Variants in ANK1 observed in about 807,000 individuals in gnomAD.
ANK1 encodes ankyrin 1.
ANK1 carries 51 observed loss-of-function variants against 210.4 expected under a neutral mutation model. The observed-to-expected ratio is 0.24, with a 90% CI of 0.19 to 0.31. The LOEUF (loss-of-function observed/expected upper bound fraction) is 0.31, where lower values mean the gene tolerates loss of function less well. Ranked by LOEUF, ANK1 falls within the 10% of genes least tolerant of loss-of-function variation. ANK1 has a pLI of 1.00. For missense variants in ANK1, 2,051 were observed against 2,504.4 expected, an observed-to-expected ratio of 0.82 and a Z score of 3.86; for synonymous variants, 967 against 1,025.9, an observed-to-expected ratio of 0.94 and a Z score of 1.10.
chr8:41,891,161 G>A (rs999059996), intron 1 of ANK1, among the ~76,000 whole-genome samples: 1 of 152,192 alleles, frequency 6.6e-6, no homozygotes. Flanking sequence ...CTATTCAAAG[G>A]TGTTGCCAAA....
intron 2 of ANK1, among the ~76,000 whole-genome samples, chr8:41,735,409 GTCC>G (rs369032749): frequency 3.3e-5 from 5 of 151,970 alleles, no homozygotes; most frequent in Non-Finnish European, 4.4e-5. Context: ...TTCCCCTCCT[GTCC>G]TCCTCCTCCT....
At chr8:41,728,393 G>C (rs1251094468) in intron 3 of ANK1, among the ~76,000 whole-genome samples, 2 of 152,222 alleles carry the variant, frequency 1.3e-5, no homozygotes, top group Non-Finnish European at 2.9e-5. Flanking sequence ...CATACAGAGA[G>C]TGGAGAGACA....
intron 15 of ANK1, 36 bp downstream of exon 15, chr8:41,714,940 C>T (rs765523605): frequency 1.2e-5 from 19 of 1,603,146 alleles, no homozygotes; most frequent in Non-Finnish European, 1.5e-5. Context: ...TGCCTCTAAC[C>T]TGAGAGCTGC....
At chr8:41,659,066 G>A (rs1463908460) in intron 42 of ANK1, among the ~76,000 whole-genome samples, 2 of 152,180 alleles carry the variant, frequency 1.3e-5, no homozygotes, top group African/African-American at 2.4e-5. Context: ...TGTTAAATGC[G>A]TTTCTGTTTC....
At chr8:41,673,290 C>T (rs113045888) in intron 37 of ANK1, among the ~76,000 whole-genome samples, 13 of 152,184 alleles carry the variant, frequency 8.5e-5, no homozygotes, top group African/African-American at 3.1e-4. Context: ...ATGAAAGCTC[C>T]ACTTCTCCAT....
At position 41,890,272 on chromosome 8, in the gene ANK1, T is replaced by C. The variant is rs542045699; in HGVS notation, c.126+6083A>G. On this transcript the variant is annotated intron_variant, in intron 1 of 42. Coordinates refer to the ANK1 transcript ENST00000265709. ...AGAGGCTTGTTCATGCACACGTAGC[T>C]GATACATGCAAGAGCTCAAACTGGA... Among the ~76,000 whole-genome samples, 123 of 152,352 alleles carry C rather than the reference T, an allele frequency of 8.1e-4. 2 individuals are homozygous for C. The South Asian group carries it at 0.018, about 23-fold the overall frequency.
chr8:41,722,672 T>C (rs998953968), intron 9 of ANK1, among the ~76,000 whole-genome samples: 3 of 152,228 alleles, frequency 2.0e-5, no homozygotes, highest in African/African-American at 7.2e-5. Context: ...GAGTACTTAG[T>C]GCCTGTCTTT....
At chr8:41,659,085 T>C (rs1806866935) in intron 42 of ANK1, among the ~76,000 whole-genome samples, 1 of 152,214 alleles carries the variant, frequency 6.6e-6, no homozygotes, top group South Asian at 2.1e-4. Context: ...TCAAGACGCC[T>C]TATGTAATAT....
chr8:41,706,725 G>A (rs1049466127), intron 17 of ANK1, among the ~76,000 whole-genome samples: 11 of 152,308 alleles, frequency 7.2e-5, no homozygotes, highest in African/African-American at 2.2e-4. Flanking sequence ...TAGACAATAG[G>A]GGTTATCATG....
intron 1 of ANK1, among the ~76,000 whole-genome samples, chr8:41,780,587 T>C (rs1845082650): frequency 6.6e-6 from 1 of 152,166 alleles, no homozygotes; most frequent in Non-Finnish European, 1.5e-5. Flanking sequence ...TCTCAGACAC[T>C]GAGGGTCAGG....
At chr8:41,727,153 A>G in intron 5 of ANK1, 97 bp downstream of exon 5, 1 of 905,552 alleles carries the variant, frequency 1.1e-6, no homozygotes, top group Non-Finnish European at 1.8e-6. Flanking sequence ...CATGACATGG[A>G]TGCACCCCAA....
chr8:41,683,713 G>A (rs981470879), intron 37 of ANK1, among the ~76,000 whole-genome samples: 1 of 152,266 alleles, frequency 6.6e-6, no homozygotes, highest in Non-Finnish European at 1.5e-5. Context: ...CATGCAGGGA[G>A]TTGGCAGGAA....
chr8:41,729,825 C>A (rs1335523801), intron 3 of ANK1, among the ~76,000 whole-genome samples: 2 of 152,128 alleles, frequency 1.3e-5, no homozygotes, highest in Admixed American at 1.3e-4. Context: ...TCAGCACTGC[C>A]TCTGGGGGTG....
intron 1 of ANK1, among the ~76,000 whole-genome samples, chr8:41,853,792 G>A (rs1432402200): frequency 6.6e-6 from 1 of 151,744 alleles, no homozygotes; most frequent in African/African-American, 2.4e-5. Flanking sequence ...ACAGGGTCTC[G>A]TTCTGTCACC....
chr8:41,791,788 G>A (rs1847785004), intron 1 of ANK1, among the ~76,000 whole-genome samples: 1 of 152,158 alleles, frequency 6.6e-6, no homozygotes, highest in Non-Finnish European at 1.5e-5. Context: ...GGGCAGAACA[G>A]TGTTCTGACC....
chr8:41,834,558 G>A (rs115965899), intron 1 of ANK1, among the ~76,000 whole-genome samples: 3,048 of 152,260 alleles, frequency 0.02, 106 homozygotes, highest in African/African-American at 0.069. Context: ...TGGCCTCTCC[G>A]CAGCGTTTCA....
chr8:41,663,782 T>C, intron 39 of ANK1, 40 bp from the exon 40 acceptor site: 1 of 1,490,338 alleles, frequency 6.7e-7, no homozygotes, highest in Non-Finnish European at 9.4e-7. Flanking sequence ...GATTGGTGAG[T>C]GGGAGTCTGG....
Position 41,655,574 on chromosome 8 carries a change from G to T in ANK1, c.*216C>A. 1 of 863,278 alleles carries T rather than the reference G, an allele frequency of 1.2e-6. No homozygotes were observed. 53.5% of individuals were successfully genotyped at this position (863,278 alleles called of 1,614,324 possible). ...GCAAGAGGCAGGATTGAAGCCTGGA[G>T]GTCATGCGTCTACAGTCAGTCATTC... On this transcript the variant is annotated 3_prime_UTR_variant, in exon 43 of 43. Transcript: ENST00000289734.
chr8:41,786,552 G>A (rs145729845), intron 1 of ANK1, among the ~76,000 whole-genome samples: 128 of 152,348 alleles, frequency 8.4e-4, no homozygotes, highest in Middle Eastern at 3.4e-3. Flanking sequence ...AACTAATGGA[G>A]TCGAGAGAAG....
Sources: allele counts gnomAD v4.1 joint callset (sites outside exome capture counted in the v4.1 genomes callset), GRCh38; gene constraint gnomAD v4.1.1; transcripts MANE v1.5; gene names NCBI Gene and HGNC (gene_info 2026-07-23, HGNC 2026-07-21).